The following CNTN4 variants were observed in gnomAD, a reference collection of about 807,000 sequenced individuals.
The protein encoded by CNTN4 is contactin-4.
Under a neutral mutation model 122.5 loss-of-function variants are expected in CNTN4, and 77 were observed. The ratio of observed to expected loss-of-function variants is 0.63; its 90% CI spans 0.52 to 0.76. The LOEUF (loss-of-function observed/expected upper bound fraction) is 0.76, where lower values mean the gene tolerates loss of function less well. Among genes scored for constraint, CNTN4 ranks in the 30% least tolerant of loss-of-function variants. The pLI is 0.00. For missense variants in CNTN4, 1,256 were observed against 1,259.1 expected (o/e 1.00, Z 0.04); for synonymous variants, 512 against 447.0 (o/e 1.15, Z -1.83).
intron 12 of CNTN4, among the ~76,000 whole-genome samples, chr3:2,923,757 TTTAAC>T (rs2094449305): frequency 6.6e-6 from 1 of 152,356 alleles, no homozygotes; most frequent in African/African-American, 2.4e-5. Context: ...TTATTATGAA[TTTAAC>T]TTATCTTTTT....
At position 2,189,933 on chromosome 3, in the gene CNTN4, C is replaced by G. The variant is rs1043957688; in HGVS notation, c.-145+89294C>G. On this transcript the variant is annotated intron_variant, in intron 2 of 24. Transcript: ENST00000418658. ...ATGACTTTAGAGACTCATCATTGCT[C>G]CTCAAATCAGTTGTGACACAAAGGC... Among the ~76,000 whole-genome samples, 4 of 152,232 alleles carry G rather than the reference C, an allele frequency of 2.6e-5. No homozygotes were observed. In the Middle Eastern group the frequency reaches 0.01, roughly 391 times the overall value.
chr3:2,593,433 T>C (rs2080600271), intron 4 of CNTN4, among the ~76,000 whole-genome samples: 1 of 152,204 alleles, frequency 6.6e-6, no homozygotes, highest in Non-Finnish European at 1.5e-5. Context: ...GGTGGTTAGG[T>C]ATAATTTTCC....
intron 12 of CNTN4, among the ~76,000 whole-genome samples, chr3:2,917,029 C>G (rs138282998): frequency 0.012 from 1,263 of 104,544 alleles, 96 homozygotes; most frequent in African/African-American, 0.034. Flanking sequence ...ACTGAGTGAA[C>G]CAGACTCCGT....
chr3:2,861,171 T>C (rs1391525620), intron 7 of CNTN4, among the ~76,000 whole-genome samples: 1 of 152,196 alleles, frequency 6.6e-6, no homozygotes, highest in Non-Finnish European at 1.5e-5. Context: ...AACTGAGGAA[T>C]AGAAATTACT....
At chr3:2,642,814 T>C (rs556229499) in intron 4 of CNTN4, among the ~76,000 whole-genome samples, 56 of 152,296 alleles carry the variant, frequency 3.7e-4, no homozygotes, top group African/African-American at 1.3e-3. Flanking sequence ...TCATCTCCAC[T>C]TGTTGAAACT....
chr3:2,741,759 G>T (rs2089468502), intron 5 of CNTN4, among the ~76,000 whole-genome samples: 2 of 152,182 alleles, frequency 1.3e-5, no homozygotes, highest in African/African-American at 4.8e-5. Flanking sequence ...TTTTGCAGCA[G>T]AATTTGGCAA....
intron 8 of CNTN4, among the ~76,000 whole-genome samples, chr3:2,876,614 A>G (rs1409098229): frequency 6.6e-6 from 1 of 152,236 alleles, no homozygotes; most frequent in Non-Finnish European, 1.5e-5. Flanking sequence ...CCTTCTGCCA[A>G]CAGAGTCTCT....
chr3:2,247,289 C>T (rs2040194232), intron 2 of CNTN4, among the ~76,000 whole-genome samples: 1 of 151,966 alleles, frequency 6.6e-6, no homozygotes, highest in Non-Finnish European at 1.5e-5. Flanking sequence ...CATCAGATGC[C>T]ATAGTGTGTT....
Position 3,028,226 on chromosome 3 carries a change from C to T in CNTN4, c.1662+1949C>T, listed in dbSNP as rs143067252. Among the ~76,000 whole-genome samples, 371 of 152,198 alleles carry T rather than the reference C, an allele frequency of 2.4e-3. 2 individuals carry two copies. The highest frequency in any genetic ancestry group is 8.6e-3 in the African/African-American group (355 of 41,520). On this transcript the variant is annotated intron_variant, in intron 15 of 24. Coordinates refer to ENST00000418658, the MANE Select transcript of CNTN4 (RefSeq NM_175607.3). ...GTCCTCTGATACACCCCATCCCCAC[C>T]GAGTATTCTGTCAGGAACACAACAG...
chr3:2,639,365 T>C (rs954861835), intron 4 of CNTN4, among the ~76,000 whole-genome samples: 3 of 152,144 alleles, frequency 2.0e-5, no homozygotes, highest in Non-Finnish European at 2.9e-5. Flanking sequence ...GGTCTACTAC[T>C]CCCTCAGATC....
intron 2 of CNTN4, among the ~76,000 whole-genome samples, chr3:2,163,046 A>T (rs1236368928): frequency 4.6e-5 from 7 of 152,196 alleles, no homozygotes; most frequent in African/African-American, 1.7e-4. Context: ...GCAGTGAGCG[A>T]AGGTCATGCC....
At chr3:3,003,684 CAAAAAAAAAAAA>C (rs58290160) in intron 14 of CNTN4, among the ~76,000 whole-genome samples, 21 of 76,982 alleles carry the variant, frequency 2.7e-4, no homozygotes, top group East Asian at 2.0e-3. Context: ...ATGGTTGCAC[CAAAAAAAAAAAA>C]AAAAAAAAAA....
intron 4 of CNTN4, among the ~76,000 whole-genome samples, chr3:2,705,397 T>C (rs1221189471): frequency 3.0e-5 from 4 of 134,556 alleles, no homozygotes; most frequent in African/African-American, 1.1e-4. Flanking sequence ...TCTCAGCTGG[T>C]TAATAGCACA....
Position 2,931,921 on chromosome 3 carries a change from T to G in CNTN4, c.1358+6142T>G, listed in dbSNP as rs574644393. 3.9e-4 allele frequency among the ~76,000 whole-genome samples: 59 copies of G among 152,332 alleles called. No individual in the cohort carries two copies. The South Asian group carries it at 0.011, about 29-fold the overall frequency. On this transcript the variant is annotated intron_variant, in intron 13 of 24. Transcript: ENST00000418658. The stretch of plus-strand genomic sequence containing the variant: ...TCTCAGCCTCCCAAAGTGCTAGGAT[T>G]ACAGGCAGAAGCCACCACACCTTGC...
chr3:2,857,863 C>T (rs1476817879), intron 7 of CNTN4, among the ~76,000 whole-genome samples: 1 of 152,164 alleles, frequency 6.6e-6, no homozygotes, highest in African/African-American at 2.4e-5. Flanking sequence ...GATTTCAGCA[C>T]CCCACTTTTA....
rs1397677089 is a variant in CNTN4 at position 2,551,955 on chromosome 3, A to C, written c.-88-19461A>C. 2.0e-5 allele frequency among the ~76,000 whole-genome samples: 3 copies of C among 152,180 alleles called. No homozygotes were observed. In the East Asian group the frequency reaches 5.8e-4, roughly 29 times the overall value. The stretch of plus-strand genomic sequence containing the variant: ...AAAATGGGATAAAATGGATATTCAG[A>C]ATGTCTTGCTACCTGACCGTTACTT... On this transcript the variant is annotated intron_variant, in intron 3 of 24. Transcript: ENST00000418658.
chr3:2,764,723 A>G lies in CNTN4; in HGVS notation c.358+19026A>G, dbSNP rs1047421092. 9.8e-5 allele frequency among the ~76,000 whole-genome samples: 15 copies of G among 152,332 alleles called. No individual in the cohort carries two copies. In the East Asian group the frequency reaches 2.1e-3, roughly 22 times the overall value. On this transcript the variant is annotated intron_variant, in intron 6 of 24. Transcript: ENST00000418658. ...TGTAAGTCTAATCATCAGTTCACAC[A>G]TCGTCAACCATCCACCTGTAACAAT...
intron 4 of CNTN4, among the ~76,000 whole-genome samples, chr3:2,708,713 C>T (rs532398258): frequency 2.8e-4 from 41 of 145,508 alleles, no homozygotes; most frequent in Admixed American, 7.6e-4. Context: ...CACGCAGGCA[C>T]GCGCACGCGC....
chr3:2,908,957 T>C (rs1389114755), intron 12 of CNTN4, among the ~76,000 whole-genome samples: 6 of 152,214 alleles, frequency 3.9e-5, no homozygotes, highest in African/African-American at 1.4e-4. Context: ...ATCAAGTAAC[T>C]GATGGCCCAA....
Sources: gnomAD v4.1 joint callset for allele counts (sites outside exome capture counted in the v4.1 genomes callset) on GRCh38, gnomAD v4.1.1 for gene constraint, MANE v1.5 for transcripts, NCBI Gene and HGNC (gene_info 2026-07-23, HGNC 2026-07-21) for gene names.